The following SKIC8 variants were observed in gnomAD, a reference collection of about 807,000 sequenced individuals.
SKIC8 encodes the protein superkiller complex protein 8.
chr15:78,291,628 T>TG, the SKIC8 span: 4 of 152,184 alleles, frequency 2.6e-5, no homozygotes, highest in Non-Finnish European at 5.9e-5. Context: ...TGAGGGAAAA[T>TG]GCACTCAGTT....
the SKIC8 span, chr15:78,289,871 A>C: frequency 1.1e-5 from 18 of 1,573,214 alleles, no homozygotes; most frequent in African/African-American, 1.6e-4. Flanking sequence ...ACCAAGACAG[A>C]ATCTGTGGCA....
At chr15:78,291,329 TC>T in the SKIC8 span, 1 of 152,178 alleles carries the variant, frequency 6.6e-6, no homozygotes, top group Non-Finnish European at 1.5e-5. Flanking sequence ...TAGAAACAGT[TC>T]TGTCTCTTCC....
the SKIC8 span, chr15:78,295,827 G>C: frequency 1.0e-6 from 1 of 989,666 alleles, no homozygotes; most frequent in Non-Finnish European, 1.5e-6. Context: ...TCTTTATTAT[G>C]AAGTTGTTCT....
chr15:78,295,571 C>T, the SKIC8 span: 1 of 1,527,136 alleles, frequency 6.5e-7, no homozygotes, highest in African/African-American at 1.4e-5. Context: ...AGGAGCCAGG[C>T]AAGAATGAGA....
the SKIC8 span, chr15:78,294,704 C>A: frequency 2.3e-6 from 1 of 438,676 alleles, no homozygotes; most frequent in Admixed American, 3.8e-5. Flanking sequence ...AAAAATTTTC[C>A]TCAGCCTAGA....
At chr15:78,290,079 A>C in the SKIC8 span, 1 of 1,613,878 alleles carries the variant, frequency 6.2e-7, no homozygotes, top group South Asian at 1.1e-5. Flanking sequence ...TCAGGAGAAA[A>C]GGCCAAAGTC....
the SKIC8 span, chr15:78,295,869 T>C: frequency 2.5e-5 from 14 of 563,714 alleles, 1 homozygote; most frequent in South Asian, 4.4e-4. Flanking sequence ...CCCTGGAACC[T>C]CCTTCGCACT....
the SKIC8 span, among the ~76,000 whole-genome samples, chr15:78,296,996 C>A: frequency 6.6e-6 from 1 of 152,166 alleles, no homozygotes. Flanking sequence ...AATACATAAT[C>A]ATGTTTTATG....
At chr15:78,295,510 A>G in the SKIC8 span, 2 of 810,674 alleles carry the variant, frequency 2.5e-6, no homozygotes, top group African/African-American at 3.4e-5. Flanking sequence ...GCATTTCACT[A>G]GTCCCACCTA....
the SKIC8 span, among the ~76,000 whole-genome samples, chr15:78,297,650 C>T: frequency 6.6e-6 from 1 of 152,048 alleles, no homozygotes; most frequent in Admixed American, 6.6e-5. Context: ...TGATTTGTTG[C>T]CTACATTCAC....
chr15:78,293,515 C>T, the SKIC8 span, among the ~76,000 whole-genome samples: 3 of 152,158 alleles, frequency 2.0e-5, no homozygotes, highest in Non-Finnish European at 4.4e-5. Flanking sequence ...GACTCTAAAT[C>T]CAGTGTCCTT....
the SKIC8 span, chr15:78,292,481 A>T: frequency 3.2e-6 from 3 of 943,524 alleles, no homozygotes; most frequent in Non-Finnish European, 4.9e-6. Flanking sequence ...GTATTATGTG[A>T]AATACAGTTC....
chr15:78,283,779 T>A, the SKIC8 span: 1 of 285,856 alleles, frequency 3.5e-6, no homozygotes, highest in Non-Finnish European at 6.4e-6. Context: ...ATCAAGACTA[T>A]CTACAACCCT....
the SKIC8 span, chr15:78,295,689 C>A: frequency 6.4e-7 from 1 of 1,562,300 alleles, no homozygotes; most frequent in Non-Finnish European, 8.7e-7. Context: ...TTGGTCATTT[C>A]CTTAACCAAG....
chr15:78,283,397 TTC>T, the SKIC8 span: 10 of 1,541,402 alleles, frequency 6.5e-6, no homozygotes, highest in African/African-American at 1.4e-4. Flanking sequence ...AATCCGTACA[TTC>T]TCTTTGCAGC....
At chr15:78,292,857 G>A in the SKIC8 span, 17 of 1,571,208 alleles carry the variant, frequency 1.1e-5, no homozygotes, top group Non-Finnish European at 1.5e-5. Context: ...TGAAATTCTG[G>A]GTCCCTGTGA....
chr15:78,289,939 A>G, the SKIC8 span: 1 of 1,612,018 alleles, frequency 6.2e-7, no homozygotes, highest in Non-Finnish European at 8.5e-7. Context: ...ACAGAGAGCA[A>G]TGTTTCCTTA....
chr15:78,288,506 G>T, the SKIC8 span: 1 of 898,064 alleles, frequency 1.1e-6, no homozygotes, highest in Non-Finnish European at 1.7e-6. Context: ...GCTTCAGGCA[G>T]AAAAGCAAGA....
At chr15:78,298,874 C>T in the SKIC8 span, among the ~76,000 whole-genome samples, 2 of 152,294 alleles carry the variant, frequency 1.3e-5, no homozygotes, top group South Asian at 4.1e-4. Context: ...GTTAAGGAAG[C>T]TTCCCCAAGG....
Sources: allele counts gnomAD v4.1 joint callset (sites outside exome capture counted in the v4.1 genomes callset), GRCh38; gene constraint gnomAD v4.1.1; transcripts MANE v1.5; gene names NCBI Gene and HGNC (gene_info 2026-07-23, HGNC 2026-07-21).